The following KLHL12 variants were observed in gnomAD, a reference collection of about 807,000 sequenced individuals.
KLHL12 encodes the protein kelch like family member 12.
A neutral mutation model predicts 60.8 loss-of-function variants in KLHL12; 17 were observed. The observed-to-expected ratio is 0.28, with a 90% CI of 0.19 to 0.42. The LOEUF is 0.42. KLHL12 is among the 10% of genes least tolerant of loss of function. The pLI, the probability that KLHL12 is intolerant of heterozygous loss-of-function variation, is 1.00. For synonymous variants in KLHL12, 220 were observed against 250.9 expected (o/e 0.88, Z 1.16); for missense variants, 468 against 722.3 (o/e 0.65, Z 4.04).
chr1:202,905,542 T>C (rs1660155293), intron 6 of KLHL12, among the ~76,000 whole-genome samples: 1 of 152,202 alleles, frequency 6.6e-6, no homozygotes, highest in African/African-American at 2.4e-5. Context: ...TGCCAGGTTC[T>C]TTCCACTACA....
chr1:202,903,114 C>CTGAAACTTGTTCACTGTATAA (rs1282064203), intron 6 of KLHL12, among the ~76,000 whole-genome samples: 1 of 132,222 alleles, frequency 7.6e-6, no homozygotes, highest in East Asian at 2.3e-4. Flanking sequence ...GAACCAAGAT[C>CTGAAACTTGTTCACTGTATAA]ATGCCACTGC....
intron 2 of KLHL12, among the ~76,000 whole-genome samples, chr1:202,922,333 C>T (rs1303820232): frequency 1.3e-5 from 2 of 151,052 alleles, no homozygotes; most frequent in South Asian, 4.2e-4. Flanking sequence ...TTTGGGAGGC[C>T]GAGGTGGGTG....
chr1:202,912,374 T>G, intron 4 of KLHL12: 1 of 794,132 alleles, frequency 1.3e-6, no homozygotes, highest in Non-Finnish European at 2.2e-6. Flanking sequence ...AAGAGATGGC[T>G]AGTGCTTCAT....
At chr1:202,905,086 T>C (rs1036494083) in intron 6 of KLHL12, among the ~76,000 whole-genome samples, 6 of 152,296 alleles carry the variant, frequency 3.9e-5, no homozygotes, top group African/African-American at 7.2e-5. Flanking sequence ...AAAGCGATAC[T>C]AAGAATCTAA....
chr1:202,908,964 A>G, intron 6 of KLHL12, 46 bp downstream of exon 6: 1 of 1,168,380 alleles, frequency 8.6e-7, no homozygotes, highest in Non-Finnish European at 1.3e-6. Context: ...CACCTGCAAG[A>G]AGTAGTTGAA....
rs1425422989 is a variant in KLHL12, at chr1:202,919,902, C to CT, written c.201dup (p.Glu68ArgfsTer8). ...ATGTCAACATAAGGTTTCCCCTTCTCTGAGAGCTGAAAATTCAAAAGGTAT... is the reference window on the plus strand; with the variant it reads ...ATGTCAACATAAGGTTTCCCCTTCTCTTGAGAGCTGAAAATTCAAAAGGTAT... On this transcript the variant is annotated frameshift_variant, in exon 3 of 12. Coordinates refer to ENST00000367261, the MANE Select transcript of KLHL12 (RefSeq NM_021633.4). LOFTEE classifies it high-confidence loss of function. 6.2e-7 allele frequency: 1 copy of CT among 1,612,742 alleles called. No homozygotes were observed. Among genetic ancestry groups the CT allele is most frequent in the Non-Finnish European group, 8.5e-7 (1 of 1,179,540 alleles).
chr1:202,907,095 T>C (rs756141639), intron 6 of KLHL12, among the ~76,000 whole-genome samples: 41 of 152,246 alleles, frequency 2.7e-4, no homozygotes, highest in Non-Finnish European at 5.3e-4. Context: ...TGTTGATATG[T>C]ATCTGTGTAT....
intron 6 of KLHL12, among the ~76,000 whole-genome samples, chr1:202,901,949 C>T (rs988283392): frequency 6.6e-6 from 1 of 152,142 alleles, no homozygotes; most frequent in Admixed American, 6.5e-5. Context: ...TATTACCCCT[C>T]CCTGTTGAAA....
rs772260431 is a variant in KLHL12 at position 202,919,738 on chromosome 1, A to T, written c.349+17T>A. On this transcript the variant is annotated intron_variant, in intron 3 of 11. Transcript: ENST00000367261. ...GGCTATTTTGACATAAACAATAGCA[A>T]GTTTTAATGTCTGTACCTTTCAACT... 14 of 1,582,166 alleles carry T rather than the reference A, an allele frequency of 8.8e-6. No homozygotes were observed. In the African/African-American group the frequency reaches 1.6e-4, roughly 18 times the overall value.
rs1185519630 is a variant in KLHL12, at chr1:202,894,669, A to G, written c.1216T>C (p.Trp406Arg). The G allele has an allele frequency of 6.2e-7, 1 of 1,614,108 alleles. No homozygotes were observed. The highest frequency in any genetic ancestry group is 1.7e-5 in the Admixed American group (1 of 60,022). Residue 406 changes from tryptophan to arginine, a missense_variant, in exon 9 of 12, where the codon TGG becomes CGG. This residue lies in a region of KLHL12 where 339 missense variants were observed against 525.0 expected (regional missense o/e 0.65). Transcript: ENST00000367261. ...GTCTGCATATCTCCCAGCATGCTCC[A>G]CTGGTCAATGTTTGGATCATAGCGC... ...MERYDPNIDQ[W>R]SMLGDMQTAR... is the part of the protein sequence containing the mutation.
In KLHL12 at chr1:202,903,807, G is replaced by A. The variant is rs71635598; in HGVS notation, c.832+5203C>T. Among the ~76,000 whole-genome samples, 981 of 151,086 alleles carry A rather than the reference G, an allele frequency of 6.5e-3. 11 individuals are homozygous for A. Among genetic ancestry groups the A allele is most frequent in the African/African-American group, 0.022 (913 of 41,188 alleles). ...CTGGCTAATTTTTATACTTTTAGTA[G>A]AGACAGGGTTTCATCCTGTTGGCCA... On this transcript the variant is annotated intron_variant, in intron 6 of 11. Transcript: ENST00000367261.
chr1:202,924,859 C>T (rs1193773531), intron 2 of KLHL12, 109 bp downstream of exon 2: 6 of 767,492 alleles, frequency 7.8e-6, no homozygotes, highest in Admixed American at 5.0e-5. Flanking sequence ...GCCAAAACAT[C>T]ACACTGTAAA....
At chr1:202,915,928 G>T (rs147585347) in intron 4 of KLHL12, among the ~76,000 whole-genome samples, 275 of 152,330 alleles carry the variant, frequency 1.8e-3, no homozygotes, top group African/African-American at 6.3e-3. Flanking sequence ...TGTTCAACAA[G>T]TATTTAGTAA....
At chr1:202,925,694 G>A (rs1488245973) in intron 1 of KLHL12, among the ~76,000 whole-genome samples, 1 of 152,140 alleles carries the variant, frequency 6.6e-6, no homozygotes, top group Non-Finnish European at 1.5e-5. Context: ...AAGAAAAAGT[G>A]TGTATTCAAC....
At chr1:202,907,475 G>T (rs1374138813) in intron 6 of KLHL12, among the ~76,000 whole-genome samples, 2 of 151,596 alleles carry the variant, frequency 1.3e-5, no homozygotes, top group African/African-American at 4.8e-5. Flanking sequence ...GGTGGCAGTC[G>T]CCTGTTGTCC....
chr1:202,911,327 C>T, intron 4 of KLHL12, 124 bp from the exon 5 acceptor site: 1 of 1,079,794 alleles, frequency 9.3e-7, no homozygotes. Context: ...TTCCCATCTT[C>T]CAGAAATAGC....
In KLHL12 at chr1:202,893,158, T is replaced by C. The variant is rs549290359; in HGVS notation, c.1580+81A>G. On this transcript the variant is annotated intron_variant, in intron 11 of 11. Coordinates refer to ENST00000367261, the MANE Select transcript of KLHL12 (RefSeq NM_021633.4). This position sits in a 1 kb window ranked among gnomAD's most constrained non-coding sequence, Gnocchi z 4.1. ...TGTCTACCCCTACCCAAGTCTTGTC[T>C]CTGTCCAAAAATGAGGATCAGATCA... 8.5e-7 allele frequency: 1 copy of C among 1,179,386 alleles called. No individual in the cohort carries two copies. The highest frequency in any genetic ancestry group is 1.6e-5 in the South Asian group (1 of 62,326). The allele number at this position is 1,179,386 out of a possible 1,614,324, so 73.1% of individuals were successfully genotyped here.
chr1:202,896,756 A>G (rs1659846058), intron 7 of KLHL12, 98 bp downstream of exon 7: 1 of 895,392 alleles, frequency 1.1e-6, no homozygotes, highest in Admixed American at 1.8e-5. Flanking sequence ...TCCTGTTATT[A>G]GGCTTTTCTA....
rs1660006303 is a variant in KLHL12 at position 202,901,507 on chromosome 1, G to A, written c.833-4547C>T. Among the ~76,000 whole-genome samples, 4 of 148,364 alleles carry A rather than the reference G, an allele frequency of 2.7e-5. No homozygotes were observed. In the Admixed American group the frequency reaches 2.7e-4, roughly 10 times the overall value. ...TAAAGAGAGGAGGTCTCACTATGTT[G>A]CTCAGGCTGGTCTCTAACTCCTGAA... On this transcript the variant is annotated intron_variant, in intron 6 of 11. Coordinates refer to ENST00000367261, the MANE Select transcript of KLHL12 (RefSeq NM_021633.4).
Sources: gnomAD v4.1 joint callset for allele counts (sites outside exome capture counted in the v4.1 genomes callset) on GRCh38, gnomAD v4.1.1 for gene constraint, gnomAD v4.1.1 regional missense constraint, Gnocchi (gnomAD v3.1) non-coding constraint, MANE v1.5 for transcripts, NCBI Gene and HGNC (gene_info 2026-07-23, HGNC 2026-07-21) for gene names.